SRD5A2: variants seen among roughly 807,000 people sequenced by gnomAD.
SRD5A2 encodes the protein steroid 5 alpha-reductase 2.
In SRD5A2, 30 loss-of-function variants were observed where a neutral mutation model predicts 27.4. The observed-to-expected ratio is 1.10, with a 90% CI of 0.82 to 1.49. The LOEUF (loss-of-function observed/expected upper bound fraction) is 1.49. SRD5A2 is among the 40% of genes most tolerant of loss of function. The pLI, the probability that SRD5A2 is intolerant of heterozygous loss-of-function variation, is 0.00. For synonymous variants in SRD5A2, 141 were observed against 133.6 expected (o/e 1.06, Z -0.38); for missense variants, 348 against 323.4 (o/e 1.08, Z -0.58).
chr2:31,601,970 T>C, the SRD5A2 span, among the ~76,000 whole-genome samples: 50 of 152,056 alleles, frequency 3.3e-4, 1 homozygote, highest in Non-Finnish European at 1.0e-4. Flanking sequence ...CGGCAAAAGC[T>C]GGAAGCATTC....
the SRD5A2 span, among the ~76,000 whole-genome samples, chr2:31,620,776 C>T: frequency 1.5e-4 from 23 of 150,588 alleles, no homozygotes; most frequent in African/African-American, 5.6e-4. Flanking sequence ...GGCTGCATAT[C>T]CACCAGATAA....
At chr2:31,539,872 C>A (rs1051328785) in intron 1 of SRD5A2, among the ~76,000 whole-genome samples, 2 of 152,092 alleles carry the variant, frequency 1.3e-5, no homozygotes, top group African/African-American at 4.8e-5. Context: ...TAACAAGGAG[C>A]CTCCACGTTC....
At chr2:31,556,741 A>G (rs2148084377) in intron 1 of SRD5A2, among the ~76,000 whole-genome samples, 1 of 152,278 alleles carries the variant, frequency 6.6e-6, no homozygotes, top group Middle Eastern at 3.4e-3. Context: ...TAAGAGTAAG[A>G]TTTATTTTGT....
the SRD5A2 span, among the ~76,000 whole-genome samples, chr2:31,593,538 G>C: frequency 1.3e-5 from 2 of 152,138 alleles, no homozygotes; most frequent in African/African-American, 4.8e-5. Context: ...AGAAATTTTA[G>C]ATTTGTTAAA....
chr2:31,599,952 T>C, the SRD5A2 span, among the ~76,000 whole-genome samples: 1 of 76,356 alleles, frequency 1.3e-5, no homozygotes, highest in Non-Finnish European at 2.9e-5. Context: ...CTACTACCCA[T>C]TAGTTATTTT....
chr2:31,591,955 G>T, the SRD5A2 span, among the ~76,000 whole-genome samples: 1 of 117,162 alleles, frequency 8.5e-6, no homozygotes, highest in Non-Finnish European at 1.7e-5. Context: ...GGGGAGGGGG[G>T]AGGGATAGCA....
At chr2:31,629,809 T>C in the SRD5A2 span, among the ~76,000 whole-genome samples, 3 of 152,200 alleles carry the variant, frequency 2.0e-5, no homozygotes, top group Non-Finnish European at 2.9e-5. Flanking sequence ...CTTGAAAATG[T>C]AGCCCCAAAA....
At chr2:31,599,264 A>G in the SRD5A2 span, among the ~76,000 whole-genome samples, 1 of 151,772 alleles carries the variant, frequency 6.6e-6, no homozygotes, top group Non-Finnish European at 1.5e-5. Flanking sequence ...CAGACAGAAA[A>G]TCAACCAAGA....
chr2:31,615,780 T>C, the SRD5A2 span, among the ~76,000 whole-genome samples: 11 of 152,312 alleles, frequency 7.2e-5, no homozygotes, highest in Non-Finnish European at 1.3e-4. Context: ...AAGGTCTTCA[T>C]GGCAGCTTGT....
chr2:31,659,193 GAGCCATCTATGA>G, the SRD5A2 span, among the ~76,000 whole-genome samples: 1 of 152,046 alleles, frequency 6.6e-6, no homozygotes. Flanking sequence ...AAAATAATAA[GAGCCATCTATGA>G]TAAACCCACA....
intron 1 of SRD5A2, among the ~76,000 whole-genome samples, chr2:31,542,456 G>A (rs908450211): frequency 6.6e-6 from 1 of 152,118 alleles, no homozygotes; most frequent in Non-Finnish European, 1.5e-5. Flanking sequence ...AGGCTGCAGT[G>A]AGCTAACTGA....
the SRD5A2 span, among the ~76,000 whole-genome samples, chr2:31,607,065 CAT>C: frequency 6.6e-6 from 1 of 151,574 alleles, no homozygotes; most frequent in African/African-American, 2.4e-5. Flanking sequence ...ATGAATTAGA[CAT>C]AATAGTTGAA....
chr2:31,536,595 G>T (rs946557126), intron 1 of SRD5A2, among the ~76,000 whole-genome samples: 1 of 152,188 alleles, frequency 6.6e-6, no homozygotes, highest in Admixed American at 6.5e-5. Context: ...GTGAACACAT[G>T]GTACAGACAG....
At chr2:31,590,378 G>A in the SRD5A2 span, among the ~76,000 whole-genome samples, 1 of 152,114 alleles carries the variant, frequency 6.6e-6, no homozygotes, top group African/African-American at 2.4e-5. Flanking sequence ...AGTTCTCCTT[G>A]AAGAGATCCT....
the SRD5A2 span, among the ~76,000 whole-genome samples, chr2:31,593,977 T>C: frequency 6.6e-6 from 1 of 152,142 alleles, no homozygotes; most frequent in Non-Finnish European, 1.5e-5. Context: ...ATAAAGTCTT[T>C]TCCAAACAAA....
chr2:31,553,383 T>G (rs534060365), intron 1 of SRD5A2, among the ~76,000 whole-genome samples: 1 of 152,264 alleles, frequency 6.6e-6, no homozygotes, highest in South Asian at 2.1e-4. Flanking sequence ...ACTGAAAATT[T>G]CTCAAATTCC....
chr2:31,568,300 C>A (rs1427502648), intron 1 of SRD5A2, among the ~76,000 whole-genome samples: 1 of 152,186 alleles, frequency 6.6e-6, no homozygotes, highest in Non-Finnish European at 1.5e-5. Context: ...TGTGTTACAG[C>A]TCTTTCAGTC....
intron 1 of SRD5A2, among the ~76,000 whole-genome samples, chr2:31,565,849 C>T (rs1022947464): frequency 1.3e-5 from 2 of 151,920 alleles, no homozygotes; most frequent in African/African-American, 4.8e-5. Context: ...CACTAACAAT[C>T]AAAATAACCT....
the SRD5A2 span, among the ~76,000 whole-genome samples, chr2:31,657,541 C>A: frequency 1.3e-5 from 2 of 152,096 alleles, no homozygotes; most frequent in Non-Finnish European, 2.9e-5. Context: ...CAGGTGTGAG[C>A]TACCATGTTC....
Sources: allele counts gnomAD v4.1 joint callset (sites outside exome capture counted in the v4.1 genomes callset), GRCh38; gene constraint gnomAD v4.1.1; transcripts MANE v1.5; gene names NCBI Gene and HGNC (gene_info 2026-07-23, HGNC 2026-07-21).